MALRD1: variants seen among roughly 807,000 people sequenced by gnomAD.
MALRD1 encodes the protein MAM and LDL-receptor class A domain-containing protein 1.
MALRD1 carries 247 observed loss-of-function variants against 242.1 expected under a neutral mutation model. The ratio of observed to expected loss-of-function variants is 1.02; its 90% CI spans 0.92 to 1.13. The LOEUF is 1.13. MALRD1 is among the 50% of genes most tolerant of loss of function. MALRD1 has a pLI of 0.00. For synonymous variants in MALRD1, 995 were observed against 866.6 expected, an observed-to-expected ratio of 1.15 and a Z score of -2.60; for missense variants, 2,989 against 2,533.1, an observed-to-expected ratio of 1.18 and a Z score of -3.86.
Position 19,339,634 on chromosome 10 carries a change from C to T in MALRD1, c.3901+8052C>T, listed in dbSNP as rs1021116033. ...TACAAGTACTAACTTCTGCATAAGT[C>T]ATCTGTATCATGATAATGCTGTGTA... On this transcript the variant is annotated intron_variant, in intron 24 of 39. Coordinates refer to ENST00000454679, the MANE Select transcript of MALRD1 (RefSeq NM_001142308.3). Among the ~76,000 whole-genome samples the T allele has an allele frequency of 3.9e-5, 6 of 152,160 alleles. No homozygotes were observed. The East Asian group carries it at 9.6e-4, about 24-fold the overall frequency.
chr10:19,292,115 G>A (rs528737888), intron 21 of MALRD1, among the ~76,000 whole-genome samples: 5 of 148,406 alleles, frequency 3.4e-5, no homozygotes, highest in African/African-American at 1.2e-4. Context: ...AAATTTGTGT[G>A]TCCTAAAGGA....
chr10:19,207,324 G>A (rs899905608), intron 17 of MALRD1, among the ~76,000 whole-genome samples: 1 of 151,990 alleles, frequency 6.6e-6, no homozygotes, highest in Non-Finnish European at 1.5e-5. Context: ...AAATTGACAC[G>A]TTCCTATATT....
At chr10:19,448,573 G>C (rs186184335) in intron 28 of MALRD1, among the ~76,000 whole-genome samples, 1 of 152,046 alleles carries the variant, frequency 6.6e-6, no homozygotes, top group African/African-American at 2.4e-5. Flanking sequence ...TTAATATGCT[G>C]TTTTAATGAA....
intron 36 of MALRD1, among the ~76,000 whole-genome samples, chr10:19,659,254 T>C (rs1841310436): frequency 6.6e-6 from 1 of 152,176 alleles, no homozygotes; most frequent in Non-Finnish European, 1.5e-5. Flanking sequence ...ATAGCAAATA[T>C]TCATAGAGTG....
At chr10:19,488,566 G>T (rs1432582847) in intron 29 of MALRD1, 1 of 153,110 alleles carries the variant, frequency 6.5e-6, no homozygotes, top group African/African-American at 2.4e-5. Flanking sequence ...GGGCTCTGGA[G>T]GGAATAGTCA....
In MALRD1 at chr10:19,689,700, G is replaced by A. The variant is rs147052602; in HGVS notation, c.6138-2582G>A. 2.6e-3 allele frequency among the ~76,000 whole-genome samples: 400 copies of A among 152,070 alleles called. 2 individuals carry two copies. Among genetic ancestry groups the A allele is most frequent in the African/African-American group, 9.2e-3 (383 of 41,488 alleles). ...GGTTTTGCTTTGGCTTAACGTTTTT[G>A]GTTTCTTCTCAAAGTTATCCATGTT... On this transcript the variant is annotated intron_variant, in intron 36 of 39. Transcript: ENST00000454679.
intron 19 of MALRD1, among the ~76,000 whole-genome samples, chr10:19,264,501 T>A (rs1201258178): frequency 6.6e-6 from 1 of 150,870 alleles, no homozygotes; most frequent in Non-Finnish European, 1.5e-5. Context: ...TCGCCCAGGC[T>A]AGAGTGCAGT....
intron 28 of MALRD1, among the ~76,000 whole-genome samples, chr10:19,410,128 C>A (rs909619489): frequency 9.2e-5 from 14 of 152,100 alleles, no homozygotes; most frequent in African/African-American, 3.1e-4. Flanking sequence ...ACATGGATAA[C>A]GTCCATGACT....
chr10:19,179,525 C>T (rs771675601), intron 14 of MALRD1, among the ~76,000 whole-genome samples: 4 of 152,060 alleles, frequency 2.6e-5, no homozygotes. Context: ...TGGCACACAC[C>T]TGTAATCCCA....
chr10:19,277,180 C>T (rs942456168), intron 19 of MALRD1, among the ~76,000 whole-genome samples: 1 of 152,126 alleles, frequency 6.6e-6, no homozygotes, highest in Middle Eastern at 3.2e-3. Flanking sequence ...CCTGCCTTAG[C>T]CTCCCAAAGT....
chr10:19,658,496 C>A, intron 36 of MALRD1, among the ~76,000 whole-genome samples: 1 of 151,664 alleles, frequency 6.6e-6, no homozygotes, highest in East Asian at 1.9e-4. Context: ...AAACACACCA[C>A]ACACACACAC....
At chr10:19,428,206 T>C (rs1388270152) in intron 28 of MALRD1, among the ~76,000 whole-genome samples, 1 of 151,718 alleles carries the variant, frequency 6.6e-6, no homozygotes, top group Non-Finnish European at 1.5e-5. Flanking sequence ...TCTCCAAGCG[T>C]TTCACCGAGA....
intron 34 of MALRD1, among the ~76,000 whole-genome samples, chr10:19,597,786 T>C (rs1838171593): frequency 6.6e-6 from 1 of 152,148 alleles, no homozygotes; most frequent in Non-Finnish European, 1.5e-5. Context: ...AGAAGGCACA[T>C]AGGGAACTCT....
At chr10:19,047,868 A>C (rs546288889), upstream of MALRD1, among the ~76,000 whole-genome samples, 1 of 152,182 alleles carries the variant, frequency 6.6e-6, no homozygotes, top group Non-Finnish European at 1.5e-5. Flanking sequence ...TCCACTCTAC[A>C]TTCTCCGGTT....
chr10:19,527,634 A>C (rs539141636), intron 31 of MALRD1, among the ~76,000 whole-genome samples: 1 of 152,318 alleles, frequency 6.6e-6, no homozygotes, highest in South Asian at 2.1e-4. Context: ...AGTATTTGAG[A>C]ACTGAACTAT....
chr10:19,682,572 G>A (rs886861633), intron 36 of MALRD1, among the ~76,000 whole-genome samples: 1 of 152,140 alleles, frequency 6.6e-6, no homozygotes, highest in Non-Finnish European at 1.5e-5. Flanking sequence ...TAAATATTAT[G>A]AAAGATGCCA....
intron 11 of MALRD1, among the ~76,000 whole-genome samples, chr10:19,148,380 AG>A (rs1833801934): frequency 6.6e-6 from 1 of 152,106 alleles, no homozygotes; most frequent in African/African-American, 2.4e-5. Context: ...AATAGAGAAA[AG>A]AAAAGTAGCT....
chr10:19,588,150 A>AT (rs202171266), intron 33 of MALRD1, among the ~76,000 whole-genome samples: 2 of 151,484 alleles, frequency 1.3e-5, no homozygotes, highest in Non-Finnish European at 2.9e-5. Context: ...ATATTCGAAA[A>AT]TTTTTTTTTA....
chr10:19,438,012 TG>T (rs1257422708), intron 28 of MALRD1, among the ~76,000 whole-genome samples: 1 of 152,088 alleles, frequency 6.6e-6, no homozygotes, highest in Non-Finnish European at 1.5e-5. Flanking sequence ...TAGAAGTCCC[TG>T]CCGTGAGTTT....
Sources: allele counts gnomAD v4.1 joint callset (sites outside exome capture counted in the v4.1 genomes callset), GRCh38; gene constraint gnomAD v4.1.1; transcripts MANE v1.5; gene names NCBI Gene and HGNC (gene_info 2026-07-23, HGNC 2026-07-21).